The following DOCK1 variants were observed in gnomAD, a reference collection of about 807,000 sequenced individuals.
The protein encoded by DOCK1 is dedicator of cytokinesis 1, also known as dedicator of cytokinesis protein 1.
Under a neutral mutation model 262.7 loss-of-function variants are expected in DOCK1, and 138 were observed. The observed-to-expected ratio is 0.53, with a 90% CI of 0.46 to 0.61. The LOEUF is 0.61. Ranked by LOEUF, DOCK1 falls within the 20% of genes least tolerant of loss-of-function variation. The pLI is 0.00. For synonymous variants in DOCK1, 866 were observed against 867.4 expected (o/e 1.00, Z 0.03); for missense variants, 1,908 against 2,370.7 (o/e 0.80, Z 4.05).
At chr10:126,905,793 GT>G (rs560083714) in intron 1 of DOCK1, among the ~76,000 whole-genome samples, 7,994 of 150,998 alleles carry the variant, frequency 0.053, 232 homozygotes, top group African/African-American at 0.079. Context: ...ACACGAGGGG[GT>G]GGGGTGGGAA....
intron 27 of DOCK1, chr10:127,192,489 T>G (rs2056827012): frequency 6.6e-6 from 1 of 152,238 alleles, no homozygotes. Context: ...CAGGTAGTGA[T>G]TTGTCATCTG....
At chr10:126,987,147 T>A (rs2134951206) in intron 4 of DOCK1, among the ~76,000 whole-genome samples, 1 of 152,314 alleles carries the variant, frequency 6.6e-6, no homozygotes, top group Non-Finnish European at 1.5e-5. Context: ...TAATGCCACA[T>A]GGACCGGCTG....
intron 27 of DOCK1, among the ~76,000 whole-genome samples, chr10:127,155,366 A>G (rs1461707925): frequency 2.0e-5 from 3 of 152,194 alleles, no homozygotes; most frequent in African/African-American, 7.2e-5. Flanking sequence ...TTGTTGATCA[A>G]GTGACCATAT....
At chr10:127,370,383 C>A (rs896610281) in intron 33 of DOCK1, among the ~76,000 whole-genome samples, 4 of 152,176 alleles carry the variant, frequency 2.6e-5, no homozygotes, top group African/African-American at 9.6e-5. Context: ...CTGTGCAAAC[C>A]TTTCCACCCT....
intron 31 of DOCK1, among the ~76,000 whole-genome samples, chr10:127,345,360 A>G (rs1300545536): frequency 1.3e-5 from 2 of 152,176 alleles, no homozygotes; most frequent in East Asian, 1.9e-4. Context: ...GGTCACACAC[A>G]GTGACCGAGC....
At chr10:126,917,156 A>C (rs1320854013) in intron 1 of DOCK1, among the ~76,000 whole-genome samples, 6 of 152,194 alleles carry the variant, frequency 3.9e-5, no homozygotes, top group Admixed American at 3.9e-4. Context: ...AACACCCTGG[A>C]GTCGAGCATA....
intron 27 of DOCK1, among the ~76,000 whole-genome samples, chr10:127,217,102 A>G (rs1444338428): frequency 1.3e-5 from 2 of 152,238 alleles, no homozygotes; most frequent in Non-Finnish European, 2.9e-5. Context: ...GGGCACAGGC[A>G]GGAAAAGAAT....
chr10:127,429,864 G>GCCACGTTCGGCATTGGCCCCCGTGCCC (rs1412692236), intron 47 of DOCK1, among the ~76,000 whole-genome samples: 1 of 152,232 alleles, frequency 6.6e-6, no homozygotes, highest in Non-Finnish European at 1.5e-5. Context: ...AGCCCACAGC[G>GCCACGTTCGGCATTGGCCCCCGTGCCC]TGCAGGAGGC....
Position 127,175,088 on chromosome 10 carries a change from A to T in DOCK1, c.2847+47324A>T. ...ACCCCTTGGAGCTCGCCACGCCCTT[A>T]GACTATGACCTGTTTACGGAAATGC... On this transcript the variant is annotated intron_variant, in intron 27 of 51. Coordinates refer to ENST00000623213, the MANE Select transcript of DOCK1 (RefSeq NM_001290223.2). The surrounding 1 kb of genome is among the most constrained non-coding windows in gnomAD (Gnocchi z 6.3). 1.2e-6 allele frequency: 1 copy of T among 838,222 alleles called. No homozygotes were observed. Among genetic ancestry groups the T allele is most frequent in the South Asian group, 1.7e-5 (1 of 60,140 alleles). The allele number at this position is 838,222 out of a possible 1,614,324, so 51.9% of individuals were successfully genotyped here.
Position 127,031,637 on chromosome 10 carries a change from T to C in DOCK1, c.1625-13T>C. The C allele has an allele frequency of 6.3e-7, 1 of 1,597,858 alleles. No individual in the cohort carries two copies. Among genetic ancestry groups the C allele is most frequent in the Non-Finnish European group, 8.5e-7 (1 of 1,174,922 alleles). On this transcript the variant is annotated splice_polypyrimidine_tract_variant and intron_variant, in intron 16 of 51. Coordinates refer to ENST00000623213, the MANE Select transcript of DOCK1 (RefSeq NM_001290223.2). ...GAAAGCAATCATCAATTTTTTTGTT[T>C]TTTGTTTTACAGCTAAGGATAAATC...
intron 3 of DOCK1, among the ~76,000 whole-genome samples, chr10:126,981,626 A>T (rs1035005628): frequency 6.6e-6 from 1 of 152,190 alleles, no homozygotes; most frequent in Non-Finnish European, 1.5e-5. Flanking sequence ...GCCTGCATTG[A>T]GGCCAAAAAG....
intron 27 of DOCK1, among the ~76,000 whole-genome samples, chr10:127,219,307 A>C (rs2058333631): frequency 6.6e-6 from 1 of 152,190 alleles, no homozygotes; most frequent in Non-Finnish European, 1.5e-5. Flanking sequence ...ATATTATAGA[A>C]GGAAAGGCTT....
chr10:127,422,158 C>CTTTTTTTTTTTTTT (rs35535729), intron 46 of DOCK1, among the ~76,000 whole-genome samples: 1 of 61,370 alleles, frequency 1.6e-5, no homozygotes, highest in Non-Finnish European at 2.9e-5. Context: ...TTTTGTTTGT[C>CTTTTTTTTTTTTTT]TTTTTTTTTT....
intron 29 of DOCK1, among the ~76,000 whole-genome samples, chr10:127,317,683 G>A (rs75621950): frequency 0.031 from 4,663 of 151,842 alleles, 83 homozygotes; most frequent in Non-Finnish European, 0.042. Context: ...TCCGGGAGCC[G>A]CCTCATATAG....
intron 29 of DOCK1, among the ~76,000 whole-genome samples, chr10:127,335,201 C>T (rs1393300978): frequency 6.6e-6 from 1 of 152,212 alleles, no homozygotes; most frequent in East Asian, 1.9e-4. Flanking sequence ...CCACTGCCTT[C>T]GAGATACCTA....
At chr10:127,069,604 C>T (rs146497878) in intron 23 of DOCK1, among the ~76,000 whole-genome samples, 27 of 152,252 alleles carry the variant, frequency 1.8e-4, no homozygotes, top group African/African-American at 6.3e-4. Flanking sequence ...GAGAGTCTCT[C>T]ATCATTCGTG....
chr10:126,958,452 C>A (rs1227237704), intron 1 of DOCK1, among the ~76,000 whole-genome samples: 1 of 152,114 alleles, frequency 6.6e-6, no homozygotes, highest in Non-Finnish European at 1.5e-5. Context: ...TCATGGAGAC[C>A]AGAGCAGGGA....
At chr10:127,023,163 G>A in intron 13 of DOCK1, 37 bp from the exon 14 acceptor site, 1 of 1,608,738 alleles carries the variant, frequency 6.2e-7, no homozygotes, top group Non-Finnish European at 8.5e-7. Context: ...TATTAATAAT[G>A]GATTGTTTTT....
chr10:127,339,790 G>A (rs2063355606), intron 30 of DOCK1, among the ~76,000 whole-genome samples: 1 of 148,420 alleles, frequency 6.7e-6, no homozygotes, highest in African/African-American at 2.5e-5. Flanking sequence ...CATCCAAAAT[G>A]TGTGGCTCTC....
Sources: allele counts gnomAD v4.1 joint callset (sites outside exome capture counted in the v4.1 genomes callset), GRCh38; gene constraint gnomAD v4.1.1; non-coding constraint Gnocchi (gnomAD v3.1); transcripts MANE v1.5; gene names NCBI Gene and HGNC (gene_info 2026-07-23, HGNC 2026-07-21).